PCDH11X: variants seen among roughly 807,000 people sequenced by gnomAD.
PCDH11X encodes protocadherin-11 X-linked.
PCDH11X carries 18 observed loss-of-function variants against 53.3 expected under a neutral mutation model. That is an observed-to-expected ratio of 0.34 (90% confidence interval 0.23 to 0.50). PCDH11X has a LOEUF of 0.50. Among genes scored for constraint, PCDH11X ranks in the 20% least tolerant of loss-of-function variants. The pLI, the probability that PCDH11X is intolerant of heterozygous loss-of-function variation, is 0.98. For synonymous variants in PCDH11X, 279 were observed against 393.3 expected (o/e 0.71, Z 3.44); for missense variants, 570 against 1,032.4 (o/e 0.55, Z 6.14).
intron 6 of PCDH11X, among the ~76,000 whole-genome samples, chrX:91,927,944 G>A (rs1192686074): frequency 1.8e-5 from 2 of 111,085 alleles, no homozygotes; most frequent in Non-Finnish European, 3.8e-5. Context: ...GTTTACTAGG[G>A]GATCTTTCAC....
rs2064831509 is a variant in PCDH11X, at chrX:92,124,749, A to T, written c.3034-76626A>T. Among the ~76,000 whole-genome samples, 3 of 110,353 alleles carry T rather than the reference A, an allele frequency of 2.7e-5. No individual in the cohort carries two copies. The South Asian group carries it at 1.2e-3, about 42-fold the overall frequency. ...AATATTCCATATTTTTTCATGTTGT[A>T]AAACAATTAATATATTTGAACTAAA... On this transcript the variant is annotated intron_variant, in intron 6 of 10. Coordinates refer to ENST00000682573, the MANE Select transcript of PCDH11X (RefSeq NM_032968.5).
chrX:92,284,253 T>C (rs1176026077), intron 8 of PCDH11X, among the ~76,000 whole-genome samples: 1 of 110,279 alleles, frequency 9.1e-6, no homozygotes, highest in East Asian at 2.8e-4. Flanking sequence ...TTAATCACTA[T>C]AATGGTTCAT....
At chrX:91,883,157 C>T (rs1280790404) in intron 6 of PCDH11X, 105 of 964,688 alleles carry the variant, frequency 1.1e-4, no homozygotes, top group Non-Finnish European at 1.3e-4. Flanking sequence ...ATGGAAGAGA[C>T]AGTGCAGCAC....
intron 7 of PCDH11X, among the ~76,000 whole-genome samples, chrX:92,202,169 G>A (rs1485807206): frequency 9.0e-6 from 1 of 111,275 alleles, no homozygotes; most frequent in African/African-American, 3.3e-5. Flanking sequence ...TTTTTTGTTG[G>A]GATGGGCTCT....
chrX:92,425,123 G>A (rs1473472849), intron 9 of PCDH11X, among the ~76,000 whole-genome samples: 17 of 104,720 alleles, frequency 1.6e-4, no homozygotes, highest in Non-Finnish European at 2.7e-4. Flanking sequence ...ATAAAAAAGA[G>A]AGTCTGAGAT....
intron 10 of PCDH11X, among the ~76,000 whole-genome samples, chrX:92,597,196 A>AAAT (rs1925718645): frequency 9.0e-6 from 1 of 111,437 alleles, no homozygotes; most frequent in Non-Finnish European, 1.9e-5. Flanking sequence ...CAGACAAGAG[A>AAAT]AATACATAAA....
At chrX:92,037,604 C>G (rs753733013) in intron 6 of PCDH11X, among the ~76,000 whole-genome samples, 78 of 110,646 alleles carry the variant, frequency 7.0e-4, no homozygotes, top group Middle Eastern at 4.6e-3. Context: ...GGTCCTAGAT[C>G]CTTGAAGAGT....
intron 1 of PCDH11X, among the ~76,000 whole-genome samples, chrX:91,801,248 G>A (rs1327928818): frequency 9.3e-6 from 1 of 107,697 alleles, no homozygotes; most frequent in African/African-American, 3.4e-5. Flanking sequence ...AAATAAGAAG[G>A]GAAGTTACTT....
At chrX:91,958,671 T>A (rs2061742485) in intron 6 of PCDH11X, among the ~76,000 whole-genome samples, 1 of 110,278 alleles carries the variant, frequency 9.1e-6, no homozygotes, top group Admixed American at 9.7e-5. Context: ...GTTTTCCTAG[T>A]CAGTCTCAAT....
intron 10 of PCDH11X, among the ~76,000 whole-genome samples, chrX:92,593,346 T>A (rs1297076126): frequency 3.6e-5 from 4 of 111,988 alleles, no homozygotes; most frequent in Non-Finnish European, 5.6e-5. Context: ...TCATGGGCTC[T>A]GCAATGTTAT....
intron 10 of PCDH11X, among the ~76,000 whole-genome samples, chrX:92,510,429 C>T (rs2074142607): frequency 9.3e-6 from 1 of 107,669 alleles, no homozygotes; most frequent in Non-Finnish European, 1.9e-5. Flanking sequence ...AAGTAACTAT[C>T]AGTATAAATT....
intron 1 of PCDH11X, among the ~76,000 whole-genome samples, chrX:91,790,443 T>A (rs1935495019): frequency 8.9e-6 from 1 of 112,461 alleles, no homozygotes; most frequent in Admixed American, 9.4e-5. Flanking sequence ...AATATCAGAA[T>A]TGAACATATC....
chrX:91,894,881 T>C (rs190475466), intron 6 of PCDH11X, among the ~76,000 whole-genome samples: 140 of 110,978 alleles, frequency 1.3e-3, no homozygotes, highest in African/African-American at 4.3e-3. Flanking sequence ...ATGGGAAGTG[T>C]TGGATATACT....
chrX:92,317,562 T>C (rs1386399510), intron 8 of PCDH11X, among the ~76,000 whole-genome samples: 1 of 111,825 alleles, frequency 8.9e-6, no homozygotes, highest in African/African-American at 3.2e-5. Context: ...ATCTCAACTA[T>C]TTCTCAGTTG....
chrX:92,403,023 T>C (rs1460698531), intron 9 of PCDH11X, among the ~76,000 whole-genome samples: 3 of 108,822 alleles, frequency 2.8e-5, no homozygotes, highest in Non-Finnish European at 5.7e-5. Context: ...AAGATTCTAA[T>C]TGAAGATGAA....
chrX:92,081,414 G>C (rs1249989273), intron 6 of PCDH11X, among the ~76,000 whole-genome samples: 1 of 109,968 alleles, frequency 9.1e-6, no homozygotes, highest in East Asian at 2.9e-4. Context: ...TTTCCACTGA[G>C]GGGAATTCAT....
chrX:92,265,635 A>G (rs1468371269), intron 8 of PCDH11X, among the ~76,000 whole-genome samples: 1 of 111,484 alleles, frequency 9.0e-6, no homozygotes, highest in East Asian at 2.8e-4. Context: ...GTGTATACAC[A>G]TATATATACA....
intron 6 of PCDH11X, among the ~76,000 whole-genome samples, chrX:91,974,000 G>A (rs1377807517): frequency 9.0e-6 from 1 of 110,738 alleles, no homozygotes; most frequent in Non-Finnish European, 1.9e-5. Context: ...TTTATATTGG[G>A]TTTATTTCAC....
intron 8 of PCDH11X, among the ~76,000 whole-genome samples, chrX:92,327,480 A>G (rs1341801720): frequency 1.0e-5 from 1 of 96,308 alleles, no homozygotes; most frequent in Non-Finnish European, 2.1e-5. Flanking sequence ...GTTTATTCAG[A>G]CTACCTGCAA....
Sources: allele counts gnomAD v4.1 joint callset (sites outside exome capture counted in the v4.1 genomes callset), GRCh38; gene constraint gnomAD v4.1.1; transcripts MANE v1.5; gene names NCBI Gene and HGNC (gene_info 2026-07-23, HGNC 2026-07-21).